Variants in ITPRID1 observed in about 807,000 individuals in gnomAD.
ITPRID1 encodes the protein protein ITPRID1.
ITPRID1 carries 96 observed loss-of-function variants against 95.4 expected under a neutral mutation model. That is an observed-to-expected ratio of 1.01 (90% CI 0.85 to 1.19). The LOEUF (loss-of-function observed/expected upper bound fraction) is 1.19. Ranked by LOEUF, ITPRID1 falls within the 50% of genes most tolerant of loss-of-function variation. The pLI, the probability that ITPRID1 is intolerant of heterozygous loss-of-function variation, is 0.00. For missense variants in ITPRID1, 1,339 were observed against 1,252.9 expected, an observed-to-expected ratio of 1.07 and a Z score of -1.04; for synonymous variants, 510 against 453.6, an observed-to-expected ratio of 1.12 and a Z score of -1.58.
chr7:31,574,627 C>T lies in ITPRID1; in HGVS notation c.483C>T (p.Cys161=), dbSNP rs1327569670. ...TTGGTGCTGATGAGCCAGACATCTG[C>T]ATGCAAATCCCAGCCAGATTCCTTG... ...LGFGADEPDI[C]MQIPARFLGC... is the part of the protein sequence containing the mutation. The change falls in exon 8 of 15, where the codon TGC becomes TGT. Residue 161 remains cysteine (C), a synonymous_variant. Transcript: ENST00000615280. The T allele has an allele frequency of 8.1e-6, 13 of 1,613,796 alleles. No individual in the cohort carries two copies. In the Admixed American group the frequency reaches 2.0e-4, roughly 25 times the overall value.
At chr7:31,524,884 T>C (rs1395507749) in intron 1 of ITPRID1, among the ~76,000 whole-genome samples, 2 of 152,058 alleles carry the variant, frequency 1.3e-5, no homozygotes, top group Non-Finnish European at 2.9e-5. Flanking sequence ...CCTAGAAGAG[T>C]GCTAGCTCAG....
chr7:31,551,471 A>G lies in ITPRID1; in HGVS notation c.-23-1531A>G, dbSNP rs553870488. Among the ~76,000 whole-genome samples the G allele has an allele frequency of 2.9e-4, 41 of 143,856 alleles. 5 individuals carry two copies. The highest frequency in any genetic ancestry group is 9.1e-4 in the Admixed American group (13 of 14,292). 94.4% of individuals were successfully genotyped at this position (143,856 alleles called of 152,430 possible). On this transcript the variant is annotated intron_variant, in intron 2 of 14. Transcript: ENST00000615280. ...GCTACCAGCAGATATTCCTAAAGTT[A>G]ACTGGCTAAAATATTGACTGTTAAT...
At chr7:31,620,037 T>C (rs1291530608) in intron 10 of ITPRID1, among the ~76,000 whole-genome samples, 4 of 152,014 alleles carry the variant, frequency 2.6e-5, no homozygotes, top group Non-Finnish European at 5.9e-5. Flanking sequence ...AACTGCAAGG[T>C]GGCAGCGAGG....
At chr7:31,543,768 C>T (rs1203080071) in intron 1 of ITPRID1, among the ~76,000 whole-genome samples, 1 of 152,008 alleles carries the variant, frequency 6.6e-6, no homozygotes, top group African/African-American at 2.4e-5. Context: ...TTTTAATTTT[C>T]ATGGAGATCA....
intron 13 of ITPRID1, 97 bp downstream of exon 13, chr7:31,651,366 G>A: frequency 7.3e-7 from 1 of 1,365,920 alleles, no homozygotes; most frequent in South Asian, 1.8e-5. Context: ...CTGGAGCAGA[G>A]CTAATGAGAA....
intron 5 of ITPRID1, 65 bp from the exon 6 acceptor site, chr7:31,569,693 G>T: frequency 1.4e-6 from 2 of 1,430,162 alleles, no homozygotes; most frequent in Non-Finnish European, 1.9e-6. Flanking sequence ...TTCATTTGGG[G>T]TTGAGAAAAT....
chr7:31,554,968 A>G, intron 5 of ITPRID1, 67 bp downstream of exon 5: 1 of 1,159,050 alleles, frequency 8.6e-7, no homozygotes. Context: ...ATCTACGTGA[A>G]TAAATCTTCT....
chr7:31,615,049 G>GTAAT (rs1054064164), intron 10 of ITPRID1, among the ~76,000 whole-genome samples: 1 of 152,112 alleles, frequency 6.6e-6, no homozygotes, highest in Non-Finnish European at 1.5e-5. Context: ...TAATTTTATA[G>GTAAT]TAATTTTCTT....
At chr7:31,584,460 C>A (rs989225990) in intron 10 of ITPRID1, among the ~76,000 whole-genome samples, 1 of 152,180 alleles carries the variant, frequency 6.6e-6, no homozygotes, top group South Asian at 2.1e-4. Context: ...TGGAGGTCCC[C>A]TTGCCAATAG....
At chr7:31,517,100 T>A (rs1198737859) in intron 1 of ITPRID1, among the ~76,000 whole-genome samples, 1 of 152,272 alleles carries the variant, frequency 6.6e-6, no homozygotes, top group East Asian at 1.9e-4. Context: ...AAACCACCAT[T>A]CCCAGAGAAC....
At chr7:31,614,602 C>A (rs964489616) in intron 10 of ITPRID1, among the ~76,000 whole-genome samples, 3 of 152,146 alleles carry the variant, frequency 2.0e-5, no homozygotes, top group Non-Finnish European at 4.4e-5. Context: ...GTTCCTGGTA[C>A]GTATGGATGC....
chr7:31,567,982 C>T (rs76512558), intron 5 of ITPRID1, among the ~76,000 whole-genome samples: 7 of 151,924 alleles, frequency 4.6e-5, no homozygotes, highest in South Asian at 2.1e-4. Context: ...AAAAACTAGA[C>T]GGACATGGTG....
intron 5 of ITPRID1, among the ~76,000 whole-genome samples, chr7:31,559,965 T>C (rs1784573315): frequency 1.3e-5 from 2 of 152,200 alleles, no homozygotes; most frequent in Non-Finnish European, 2.9e-5. Flanking sequence ...AAACCAGGCT[T>C]TCCATTAGTA....
chr7:31,636,949 T>C (rs1464298796), intron 10 of ITPRID1, among the ~76,000 whole-genome samples: 3 of 143,868 alleles, frequency 2.1e-5, no homozygotes, highest in African/African-American at 7.8e-5. Flanking sequence ...TGTGTTCTTA[T>C]TGTTCAGTTC....
At chr7:31,607,493 C>T (rs1229959687) in intron 10 of ITPRID1, among the ~76,000 whole-genome samples, 2 of 152,060 alleles carry the variant, frequency 1.3e-5, no homozygotes, top group Non-Finnish European at 2.9e-5. Flanking sequence ...ATTCTGAAGG[C>T]CTTGCTCCAT....
At chr7:31,614,658 G>GT (rs1382677963) in intron 10 of ITPRID1, among the ~76,000 whole-genome samples, 2 of 152,162 alleles carry the variant, frequency 1.3e-5, no homozygotes, top group Non-Finnish European at 2.9e-5. Context: ...ATAATTTCAC[G>GT]TTTTTAAAGG....
intron 7 of ITPRID1, 43 bp from the exon 8 acceptor site, chr7:31,574,497 G>T (rs774140076): frequency 6.3e-7 from 1 of 1,575,436 alleles, no homozygotes; most frequent in Non-Finnish European, 8.7e-7. Context: ...ATGGTGTTGG[G>T]TTAACTGTTT....
chr7:31,554,805 T>C, intron 4 of ITPRID1, 53 bp from the exon 5 acceptor site: 2 of 1,398,188 alleles, frequency 1.4e-6, no homozygotes, highest in South Asian at 1.3e-5. Flanking sequence ...AGTAATTTAG[T>C]ATAATTTATT....
Position 31,554,501 on chromosome 7 carries a change from C to T in ITPRID1, c.190C>T (p.Gln64Ter), listed in dbSNP as rs1784385348. Reference sequence around the variant, plus strand: ...AGATTCCAAGCAAGAAAGTATTCAGCAGTGGCTGGACTCTGGATTCTTGTA... The same window carrying T: ...AGATTCCAAGCAAGAAAGTATTCAGTAGTGGCTGGACTCTGGATTCTTGTA... ...LEDSKQESIQQWLDSGFFVSA... is the reference protein window; with the variant it reads ...LEDSKQESIQ The change falls in exon 4 of 15, where the codon CAG becomes TAG. Residue 64 changes from glutamine (Q) to a stop codon, truncating the protein, a stop_gained. Coordinates refer to ENST00000615280, the MANE Select transcript of ITPRID1 (RefSeq NM_001257967.3). LOFTEE classifies it high-confidence loss of function. 7.4e-6 allele frequency: 12 copies of T among 1,613,030 alleles called. No homozygotes were observed. The highest frequency in any genetic ancestry group is 1.0e-5 in the Non-Finnish European group (12 of 1,179,420).
Sources: gnomAD v4.1 joint callset for allele counts (sites outside exome capture counted in the v4.1 genomes callset) on GRCh38, gnomAD v4.1.1 for gene constraint, MANE v1.5 for transcripts, NCBI Gene and HGNC (gene_info 2026-07-23, HGNC 2026-07-21) for gene names.